The following TRHR variants were observed in gnomAD, a reference collection of about 807,000 sequenced individuals.
TRHR encodes the protein thyrotropin-releasing hormone receptor.
TRHR carries 14 observed loss-of-function variants against 28.0 expected under a neutral mutation model. That is an observed-to-expected ratio of 0.50 (90% CI 0.33 to 0.78). The LOEUF (loss-of-function observed/expected upper bound fraction) is 0.78. TRHR is among the 30% of genes least tolerant of loss of function. The pLI is 0.02. For missense variants in TRHR, 438 were observed against 469.5 expected (o/e 0.93, Z 0.62); for synonymous variants, 176 against 171.9 (o/e 1.02, Z -0.18).
rs557088714 is a variant in TRHR at position 109,100,657 on chromosome 8, C to T, written c.789+12356C>T. 7.5e-4 allele frequency among the ~76,000 whole-genome samples: 114 copies of T among 152,236 alleles called. 1 individual carries two copies. Among genetic ancestry groups the T allele is most frequent in the African/African-American group, 2.6e-3 (107 of 41,550 alleles). ...AAAACAAAGCTTATGCTCACAAAAA[C>T]ATTCACAATCTAATACAGAAGACAG... On this transcript the variant is annotated intron_variant, in intron 2 of 2. Coordinates refer to ENST00000518632, the MANE Select transcript of TRHR (RefSeq NM_003301.7).
intron 2 of TRHR, among the ~76,000 whole-genome samples, chr8:109,099,783 T>C (rs1389357533): frequency 6.6e-6 from 1 of 152,250 alleles, no homozygotes; most frequent in Non-Finnish European, 1.5e-5. Context: ...GCTATAATCC[T>C]TGGATAGATT....
intron 2 of TRHR, among the ~76,000 whole-genome samples, chr8:109,090,220 T>C (rs1450017332): frequency 6.6e-6 from 1 of 152,208 alleles, no homozygotes; most frequent in East Asian, 1.9e-4. Flanking sequence ...AAATACCTCA[T>C]GAAAAATGCC....
chr8:109,103,849 C>A (rs1355836424), intron 2 of TRHR, among the ~76,000 whole-genome samples: 1 of 152,146 alleles, frequency 6.6e-6, no homozygotes, highest in East Asian at 1.9e-4. Context: ...CCATCATTAA[C>A]ATGTTTTAAA....
chr8:109,111,520 A>G (rs572447617), intron 2 of TRHR, among the ~76,000 whole-genome samples: 1 of 152,334 alleles, frequency 6.6e-6, no homozygotes, highest in East Asian at 1.9e-4. Flanking sequence ...TTTTGTATTC[A>G]TTAACAAGAA....
chr8:109,116,529 G>T (rs944265185), intron 2 of TRHR, among the ~76,000 whole-genome samples: 1 of 151,972 alleles, frequency 6.6e-6, no homozygotes, highest in Non-Finnish European at 1.5e-5. Flanking sequence ...GTTTAGTCTT[G>T]GGAGGGTGTA....
chr8:109,105,826 T>C (rs1367779779), intron 2 of TRHR, among the ~76,000 whole-genome samples: 2 of 152,174 alleles, frequency 1.3e-5, no homozygotes, highest in African/African-American at 4.8e-5. Flanking sequence ...GCTTTCTCAC[T>C]ACACTGGCAG....
intron 2 of TRHR, among the ~76,000 whole-genome samples, chr8:109,105,135 C>A (rs1475733382): frequency 6.6e-6 from 1 of 152,092 alleles, no homozygotes; most frequent in Non-Finnish European, 1.5e-5. Flanking sequence ...CACATCATCT[C>A]ATTTGTATCT....
intron 2 of TRHR, among the ~76,000 whole-genome samples, chr8:109,091,121 T>G (rs1563621084): frequency 1.3e-5 from 2 of 152,052 alleles, no homozygotes; most frequent in Admixed American, 6.6e-5. Flanking sequence ...GAGAGAGAGA[T>G]TGGTGGAAGA....
intron 2 of TRHR, among the ~76,000 whole-genome samples, chr8:109,097,576 C>G (rs1348512200): frequency 6.6e-6 from 1 of 152,164 alleles, no homozygotes; most frequent in African/African-American, 2.4e-5. Flanking sequence ...ACAGAAGAGA[C>G]AAGAAAGTGG....
chr8:109,098,674 C>A (rs147113950), intron 2 of TRHR, among the ~76,000 whole-genome samples: 76 of 152,262 alleles, frequency 5.0e-4, no homozygotes, highest in African/African-American at 1.8e-3. Flanking sequence ...CTCATACAGG[C>A]AATTTCTGTC....
chr8:109,117,997 C>G lies in TRHR; in HGVS notation c.790-1051C>G, dbSNP rs532358399. Among the ~76,000 whole-genome samples the G allele has an allele frequency of 2.5e-4, 38 of 152,090 alleles. No homozygotes were observed. The South Asian group carries it at 7.7e-3, about 31-fold the overall frequency. On this transcript the variant is annotated intron_variant, in intron 2 of 2. Transcript: ENST00000518632. ...AGCAATCTGGGATATTGACCTCATC[C>G]TACCTATTGTCTTACTTCCTGTGCA...
chr8:109,106,140 C>T (rs1811748246), intron 2 of TRHR, among the ~76,000 whole-genome samples: 1 of 152,100 alleles, frequency 6.6e-6, no homozygotes. Context: ...CTCCTTATCT[C>T]CTAAAGAAAA....
At chr8:109,094,944 A>G (rs1360127748) in intron 2 of TRHR, among the ~76,000 whole-genome samples, 1 of 151,854 alleles carries the variant, frequency 6.6e-6, no homozygotes, top group Non-Finnish European at 1.5e-5. Context: ...ATGCACACAG[A>G]TACTCCAAGT....
chr8:109,086,762 C>G lies in TRHR; in HGVS notation c.-210C>G, dbSNP rs1292005483. ...TTTGGAGAAACTGCAGTTTTAAAGA[C>G]TGAGCACTGCTAAGTGGTCTCCCTC... On this transcript the variant is annotated 5_prime_UTR_variant, in exon 1 of 3. Transcript: ENST00000518632. 6.6e-6 allele frequency: 1 copy of G among 152,320 alleles called. No homozygotes were observed. The highest frequency in any genetic ancestry group is 1.5e-5 in the Non-Finnish European group (1 of 68,168). 9.4% of individuals were successfully genotyped at this position (152,320 alleles called of 1,614,324 possible). A position where few individuals can be genotyped will look rare whatever the true frequency, so the allele number is the denominator to read the frequency against.
intron 2 of TRHR, among the ~76,000 whole-genome samples, chr8:109,102,890 C>T (rs1041933458): frequency 2.6e-5 from 4 of 152,154 alleles, no homozygotes; most frequent in East Asian, 1.9e-4. Flanking sequence ...AGAAGAGCCA[C>T]TTTATTAGCC....
At chr8:109,106,532 C>T (rs1002811593) in intron 2 of TRHR, among the ~76,000 whole-genome samples, 1 of 152,066 alleles carries the variant, frequency 6.6e-6, no homozygotes. Context: ...ACAGACTGTT[C>T]CCCGAAAAAA....
Position 109,087,718 on chromosome 8 carries a change from T to C in TRHR, c.206T>C (p.Val69Ala). 1 of 1,614,150 alleles carries C rather than the reference T, an allele frequency of 6.2e-7. No individual in the cohort carries two copies. Among genetic ancestry groups the C allele is most frequent in the Non-Finnish European group, 8.5e-7 (1 of 1,180,036 alleles). Reference sequence around the variant, plus strand: ...AACTGCTACCTGGTGAGCCTGGCAGTAGCTGATCTCATGGTCTTGGTGGCC... The same window carrying C: ...AACTGCTACCTGGTGAGCCTGGCAGCAGCTGATCTCATGGTCTTGGTGGCC... ...PTNCYLVSLA[V>A]ADLMVLVAAG... The change falls in exon 2 of 3, where the codon GTA becomes GCA. Residue 69 changes from valine (V) to alanine (A), a missense_variant. By Grantham distance (64) the Val-to-Ala change is moderately conservative (BLOSUM62 0). Coordinates refer to ENST00000518632, the MANE Select transcript of TRHR (RefSeq NM_003301.7).
In TRHR at chr8:109,120,554, G is replaced by T. The variant is rs1415712194; in HGVS notation, c.*1099G>T. ...TTTCCTTCCTATCTGCTTGTTGTTT[G>T]TAGGTTCTTTTTTTGTTTTTCTCAA... On this transcript the variant is annotated 3_prime_UTR_variant, in exon 3 of 3. Coordinates refer to ENST00000518632, the MANE Select transcript of TRHR (RefSeq NM_003301.7). Among the ~76,000 whole-genome samples the T allele has an allele frequency of 6.6e-6, 1 of 151,554 alleles. No homozygotes were observed. The highest frequency in any genetic ancestry group is 1.5e-5 in the Non-Finnish European group (1 of 67,786).
intron 2 of TRHR, among the ~76,000 whole-genome samples, chr8:109,091,024 G>A (rs965336760): frequency 6.7e-6 from 1 of 148,760 alleles, no homozygotes; most frequent in Non-Finnish European, 1.5e-5. Flanking sequence ...AGGCAACAAA[G>A]AATGTGAGTG....
Sources: allele counts gnomAD v4.1 joint callset (sites outside exome capture counted in the v4.1 genomes callset), GRCh38; gene constraint gnomAD v4.1.1; transcripts MANE v1.5; gene names NCBI Gene and HGNC (gene_info 2026-07-23, HGNC 2026-07-21).